The following UGT2A1 variants were observed in gnomAD, a reference collection of about 807,000 sequenced individuals.
UGT2A1 encodes UDP glucuronosyltransferase family 2 member A1 complex locus.
UGT2A1 carries 61 observed loss-of-function variants against 45.4 expected under a neutral mutation model. That is an observed-to-expected ratio of 1.34 (90% CI 1.09 to 1.66). The LOEUF (loss-of-function observed/expected upper bound fraction) is 1.66, where lower values mean the gene tolerates loss of function less well. UGT2A1 is among the 40% of genes most tolerant of loss of function. The probability of loss-of-function intolerance (pLI) is 0.00; values close to 1 mark genes in which losing one functional copy is unlikely to be tolerated. For missense variants in UGT2A1, 649 were observed against 574.3 expected, an observed-to-expected ratio of 1.13 and a Z score of -1.33; for synonymous variants, 229 against 196.2, an observed-to-expected ratio of 1.17 and a Z score of -1.40.
chr4:69,652,546 C>T (rs1244750419), intron 1 of UGT2A1, among the ~76,000 whole-genome samples: 2 of 151,934 alleles, frequency 1.3e-5, no homozygotes, highest in African/African-American at 4.8e-5. Flanking sequence ...GCTGGGATTA[C>T]AGGGGTGAGC....
chr4:69,606,037 A>G (rs2109904793), intron 3 of UGT2A1, among the ~76,000 whole-genome samples: 1 of 137,280 alleles, frequency 7.3e-6, no homozygotes, highest in Non-Finnish European at 1.6e-5. Context: ...TATTCCAAGC[A>G]ATAGAAAAAG....
intron 6 of UGT2A1, 36 bp downstream of exon 6, chr4:69,594,441 A>G (rs751285810): frequency 1.1e-5 from 18 of 1,603,626 alleles, no homozygotes; most frequent in Non-Finnish European, 1.5e-5. Flanking sequence ...TAATGTAATT[A>G]AAGTTAGGCA....
rs889029642 is a variant in UGT2A1 at position 69,588,673 on chromosome 4, A to G, written c.*699T>C. 2 of 152,058 alleles carry G rather than the reference A, an allele frequency of 1.3e-5. No individual in the cohort carries two copies. Among genetic ancestry groups the G allele is most frequent in the African/African-American group, 4.8e-5 (2 of 41,420 alleles). The allele number at this position is 152,058 out of a possible 1,614,324, so 9.4% of individuals were successfully genotyped here. A position where few individuals can be genotyped will look rare whatever the true frequency, so the allele number is the denominator to read the frequency against. On this transcript the variant is annotated 3_prime_UTR_variant, in exon 7 of 7. Coordinates refer to ENST00000286604, the MANE Select transcript of UGT2A1 (RefSeq NM_001252275.3). ...CTTTCTCCTTGAAATAAAAGAGTCG[A>G]TTGATTGATTTATTAAAGACAGTAC... is the stretch of plus-strand genomic sequence containing the variant.
chr4:69,652,976 G>T (rs114315565), intron 1 of UGT2A1, among the ~76,000 whole-genome samples: 3 of 152,108 alleles, frequency 2.0e-5, no homozygotes, highest in African/African-American at 4.8e-5. Flanking sequence ...CAGTTCCCTC[G>T]ATATCTGTAA....
chr4:69,651,103 C>A (rs529796786), intron 1 of UGT2A1, among the ~76,000 whole-genome samples: 1 of 151,960 alleles, frequency 6.6e-6, no homozygotes, highest in Non-Finnish European at 1.5e-5. Context: ...GAAATATGAT[C>A]AGTATTAAAA....
chr4:69,595,490 G>A (rs560931132), intron 4 of UGT2A1, among the ~76,000 whole-genome samples: 52 of 152,222 alleles, frequency 3.4e-4, no homozygotes, highest in African/African-American at 1.3e-3. Context: ...AAAGCTTTTG[G>A]AAGTTAGATT....
intron 4 of UGT2A1, among the ~76,000 whole-genome samples, chr4:69,598,395 G>T (rs1719062063): frequency 6.6e-6 from 1 of 151,908 alleles, no homozygotes; most frequent in Non-Finnish European, 1.5e-5. Flanking sequence ...ACTCTATTTT[G>T]CTTCTCAACA....
At chr4:69,604,986 C>T (rs1464193995) in intron 3 of UGT2A1, among the ~76,000 whole-genome samples, 1 of 135,738 alleles carries the variant, frequency 7.4e-6, no homozygotes, top group Non-Finnish European at 1.6e-5. Context: ...ACTTTGACAC[C>T]CCACTGTCAA....
At chr4:69,628,824 C>T (rs958047466) in intron 3 of UGT2A1, among the ~76,000 whole-genome samples, 13 of 149,898 alleles carry the variant, frequency 8.7e-5, no homozygotes, top group African/African-American at 2.9e-4. Context: ...GAAAAAAGAC[C>T]GCCACAACTT....
rs1474112960 is a variant in UGT2A1, at chr4:69,606,725, C to A, written c.848-7331G>T. On this transcript the variant is annotated intron_variant, in intron 3 of 6. Coordinates refer to ENST00000286604, the MANE Select transcript of UGT2A1 (RefSeq NM_001252275.3). ...AGCTGATAAGCAACTTCAGCAAAGT[C>A]TCAGGATACAAAATCAATGTGCAAA... Among the ~76,000 whole-genome samples the A allele has an allele frequency of 2.2e-5, 3 of 136,844 alleles. 1 individual carries two copies. The highest frequency in any genetic ancestry group is 8.9e-5 in the African/African-American group (3 of 33,758). The allele number at this position is 136,844 out of a possible 152,430, so 89.8% of individuals were successfully genotyped here. A position where few individuals can be genotyped will look rare whatever the true frequency, so the allele number is the denominator to read the frequency against.
chr4:69,611,415 C>T (rs994081027), intron 3 of UGT2A1, among the ~76,000 whole-genome samples: 17 of 151,520 alleles, frequency 1.1e-4, no homozygotes, highest in Admixed American at 9.2e-4. Flanking sequence ...GAATGGAAGT[C>T]CTTTTCTACA....
Position 69,647,354 on chromosome 4 carries a change from AT to A in UGT2A1, c.290del (p.Asn97IlefsTer18). ...TCCAAATGGTTGAAGGAGATGGTCT[AT>A]TTTCCAGCCATGTCAAAACGAAGTC... Reference protein sequence around the residue: ...IKDFVLTWLENRPSPSTIWRF... With the variant: ...IKDFVLTWLEXRPSPSTIWRF... On this transcript the variant is annotated frameshift_variant, in exon 2 of 7. Transcript: ENST00000286604. LOFTEE classifies it high-confidence loss of function. 1 of 1,613,246 alleles carries A rather than the reference AT, an allele frequency of 6.2e-7. No individual in the cohort carries two copies. The highest frequency in any genetic ancestry group is 8.5e-7 in the Non-Finnish European group (1 of 1,179,506).
chr4:69,647,201 C>T lies in UGT2A1; in HGVS notation c.444G>A (p.Val148=). Residue 148 remains valine (V), a synonymous_variant, in exon 2 of 7, where the codon GTG becomes GTA. Coordinates refer to ENST00000286604, the MANE Select transcript of UGT2A1 (RefSeq NM_001252275.3). ...CGCCACAAGGAAATACTGGATCAGA[C>T]ACCAGGACTTCAAACTTGCTTTTCT... The part of the protein sequence containing the change: ...KLKKSKFEVL[V]SDPVFPCGDI... The T allele has an allele frequency of 1.2e-6, 2 of 1,613,202 alleles. No individual in the cohort carries two copies. The highest frequency in any genetic ancestry group is 2.2e-5 in the East Asian group (1 of 44,854).
chr4:69,599,051 C>A (rs931163749), intron 4 of UGT2A1, among the ~76,000 whole-genome samples, 195 bp downstream of exon 4: 1 of 152,086 alleles, frequency 6.6e-6, no homozygotes, highest in Non-Finnish European at 1.5e-5. Context: ...TTTTATTCTT[C>A]AGTTTAAATT....
intron 4 of UGT2A1, among the ~76,000 whole-genome samples, chr4:69,597,523 G>T (rs1272726337): frequency 2.0e-5 from 3 of 152,126 alleles, no homozygotes; most frequent in East Asian, 3.9e-4. Flanking sequence ...GCAAATATTT[G>T]TTGGGATCAC....
intron 3 of UGT2A1, among the ~76,000 whole-genome samples, chr4:69,622,790 A>C (rs1720826092): frequency 6.6e-6 from 1 of 151,798 alleles, no homozygotes; most frequent in Admixed American, 6.6e-5. Context: ...ACAGGAATAT[A>C]GACGTTCAAG....
Position 69,589,227 on chromosome 4 carries a change from C to G in UGT2A1, c.*145G>C. On this transcript the variant is annotated 3_prime_UTR_variant, in exon 7 of 7. Coordinates refer to ENST00000286604, the MANE Select transcript of UGT2A1 (RefSeq NM_001252275.3). ...CCAAAATCTAGGCTTTATCAGTAGG[C>G]TTATCGCAGGTAGAGAAATAGAAAA... 9.4e-7 allele frequency: 1 copy of G among 1,059,404 alleles called. No homozygotes were observed. The highest frequency in any genetic ancestry group is 1.3e-6 in the Non-Finnish European group (1 of 774,422). 65.6% of individuals were successfully genotyped at this position (1,059,404 alleles called of 1,614,324 possible). A position where few individuals can be genotyped will look rare whatever the true frequency, so the allele number is the denominator to read the frequency against.
At chr4:69,600,084 G>A (rs545600754) in intron 3 of UGT2A1, among the ~76,000 whole-genome samples, 1 of 152,240 alleles carries the variant, frequency 6.6e-6, no homozygotes, top group Non-Finnish European at 1.5e-5. Context: ...TTTGAAAAAA[G>A]TGGTGGGCAG....
At chr4:69,628,361 A>C (rs1212773292) in intron 3 of UGT2A1, among the ~76,000 whole-genome samples, 2 of 151,978 alleles carry the variant, frequency 1.3e-5, no homozygotes, top group Non-Finnish European at 2.9e-5. Context: ...TTCAAAATAC[A>C]CTACAAAGTG....
Sources: allele counts gnomAD v4.1 joint callset (sites outside exome capture counted in the v4.1 genomes callset), GRCh38; gene constraint gnomAD v4.1.1; transcripts MANE v1.5; gene names NCBI Gene and HGNC (gene_info 2026-07-23, HGNC 2026-07-21).